LAMA1: variants seen among roughly 807,000 people sequenced by gnomAD.
LAMA1 encodes the protein laminin subunit alpha 1, also known as laminin subunit alpha-1.
A neutral mutation model predicts 348.7 loss-of-function variants in LAMA1; 219 were observed. The observed-to-expected ratio is 0.63, with a 90% CI of 0.56 to 0.70. The LOEUF (loss-of-function observed/expected upper bound fraction) is 0.70, where lower values mean the gene tolerates loss of function less well. Among genes scored for constraint, LAMA1 ranks in the 30% least tolerant of loss-of-function variants. LAMA1 has a pLI of 0.00. For missense variants in LAMA1, 3,744 were observed against 3,888.0 expected (o/e 0.96, Z 0.99); for synonymous variants, 1,487 against 1,491.0 (o/e 1.00, Z 0.06).
intron 22 of LAMA1, among the ~76,000 whole-genome samples, chr18:7,014,669 C>A (rs2057878048): frequency 6.6e-6 from 1 of 151,586 alleles, no homozygotes; most frequent in Non-Finnish European, 1.5e-5. Flanking sequence ...GTAATTTCCT[C>A]TTGTTTCCAA....
chr18:7,086,507 G>T (rs1362747002), intron 1 of LAMA1, among the ~76,000 whole-genome samples: 2 of 152,116 alleles, frequency 1.3e-5, no homozygotes, highest in Admixed American at 6.6e-5. Flanking sequence ...GAATGTCTTT[G>T]GTTGTACCTC....
At chr18:7,075,420 C>T (rs1038110989) in intron 3 of LAMA1, among the ~76,000 whole-genome samples, 4 of 151,894 alleles carry the variant, frequency 2.6e-5, no homozygotes, top group African/African-American at 9.7e-5. Context: ...GTTGGGAGTT[C>T]GAGGCCAGCC....
chr18:6,973,167 A>G lies in LAMA1; in HGVS notation c.6664T>C (p.Ser2222Pro), dbSNP rs755171588. The change falls in exon 47 of 63, where the codon TCA becomes CCA. Residue 2222 changes from serine to proline, a missense_variant. By Grantham distance (74) the Ser-to-Pro change is moderately conservative (BLOSUM62 -1). Transcript: ENST00000389658. ...GTTTTTGTTGGTGACTTTTGATTTG[A>G]GCTCATTTCCTTTACACTCAGTGAA... ...IGSLSVKEMS[S>P]NQKSPTKTSK... The G allele has an allele frequency of 1.9e-6, 3 of 1,614,024 alleles. No homozygotes were observed. The highest frequency in any genetic ancestry group is 2.5e-6 in the Non-Finnish European group (3 of 1,179,996).
In LAMA1 at chr18:6,959,400, A is replaced by T; in HGVS notation, c.7719T>A (p.Ala2573=). 6.2e-7 allele frequency: 1 copy of T among 1,614,144 alleles called. No homozygotes were observed. Among genetic ancestry groups the T allele is most frequent in the Admixed American group, 1.7e-5 (1 of 60,008 alleles). Residue 2573 remains alanine (A), a synonymous_variant, in exon 54 of 63, where the codon GCT becomes GCA. Coordinates refer to ENST00000389658, the MANE Select transcript of LAMA1 (RefSeq NM_005559.4). ...GTGLRKALLH[A]PTGTCSDGQA... ...GTCCATCACTGCAGGTACCCGTGGGAGCGTGCAGGAGAGCTTTTCTCAGGC... is the reference window on the plus strand; with the variant it reads ...GTCCATCACTGCAGGTACCCGTGGGTGCGTGCAGGAGAGCTTTTCTCAGGC...
intron 21 of LAMA1, 52 bp downstream of exon 21, chr18:7,016,439 G>C: frequency 6.2e-7 from 1 of 1,603,008 alleles, no homozygotes; most frequent in Non-Finnish European, 8.5e-7. Context: ...GAGGGCCCAA[G>C]GAAAGCTCTG....
Position 7,035,974 on chromosome 18 carries a change from C to G in LAMA1, c.1839+13G>C, listed in dbSNP as rs143604947. ...CCTAAGCTCTATAGCAGAATCAAAG[C>G]AAAAACAATCACCTTAATGATGACG... On this transcript the variant is annotated intron_variant, in intron 13 of 62. Transcript: ENST00000389658. 1.2e-6 allele frequency: 2 copies of G among 1,607,080 alleles called. No homozygotes were observed. The highest frequency in any genetic ancestry group is 4.5e-5 in the East Asian group (2 of 44,848).
Position 6,942,194 on chromosome 18 carries a change from C to G in LAMA1, c.9113G>C (p.Gly3038Ala), listed in dbSNP as rs2057501497. 6.2e-7 allele frequency: 1 copy of G among 1,614,158 alleles called. No individual in the cohort carries two copies. Reference sequence around the variant, plus strand: ...AATCAGAGCTAGCTTCCTCAAACACCCGCGGAACGAGGTCTGGCTGCGCAG... The same window carrying G: ...AATCAGAGCTAGCTTCCTCAAACACGCGCGGAACGAGGTCTGGCTGCGCAG... ...KCLRSQTSFR[G>A]CLRKLALIKS... Residue 3038 changes from glycine to alanine, a missense_variant, in exon 63 of 63, where the codon GGG (glycine) becomes GCG (alanine). Physicochemically the swap from Gly to Ala is moderately conservative, Grantham distance 60. This residue lies in a region of LAMA1 where 232 missense variants were observed against 264.4 expected (regional missense o/e 0.88). Transcript: ENST00000389658.
chr18:7,055,221 C>T (rs1019362208), intron 3 of LAMA1, among the ~76,000 whole-genome samples: 11 of 151,630 alleles, frequency 7.3e-5, no homozygotes, highest in South Asian at 2.1e-4. Context: ...GAGGCCGAGG[C>T]GGGCAGATCA....
chr18:7,114,679 C>G (rs1342516057), intron 1 of LAMA1, among the ~76,000 whole-genome samples: 1 of 152,138 alleles, frequency 6.6e-6, no homozygotes, highest in African/African-American at 2.4e-5. Flanking sequence ...TTTGCCATAG[C>G]TAGTAAAGCC....
chr18:7,097,927 C>T (rs1290199890), intron 1 of LAMA1, among the ~76,000 whole-genome samples: 2 of 151,018 alleles, frequency 1.3e-5, no homozygotes, highest in Non-Finnish European at 3.0e-5. Context: ...CTGGACTGCA[C>T]TGCTGCCATC....
At chr18:7,038,761 G>A (rs944530686) in intron 11 of LAMA1, 49 bp downstream of exon 11, 10 of 1,609,840 alleles carry the variant, frequency 6.2e-6, no homozygotes, top group African/African-American at 1.3e-5. Flanking sequence ...CCAAGCTTGT[G>A]CAATACGACC....
At chr18:6,976,540 A>G (rs2057683011) in intron 44 of LAMA1, among the ~76,000 whole-genome samples, 1 of 152,116 alleles carries the variant, frequency 6.6e-6, no homozygotes, top group Admixed American at 6.6e-5. Context: ...TACATTAAAG[A>G]GTCTAAGTTT....
chr18:7,052,525 G>A (rs559782882), intron 3 of LAMA1, among the ~76,000 whole-genome samples: 16 of 151,172 alleles, frequency 1.1e-4, no homozygotes, highest in African/African-American at 3.4e-4. Flanking sequence ...TCAGGAGTTC[G>A]AGACCAGCCT....
At chr18:7,073,059 C>T (rs931846322) in intron 3 of LAMA1, among the ~76,000 whole-genome samples, 2 of 152,120 alleles carry the variant, frequency 1.3e-5, no homozygotes, top group African/African-American at 4.8e-5. Flanking sequence ...CACCCTCCTG[C>T]GTTGCTGCCT....
Position 7,022,953 on chromosome 18 carries a change from A to G in LAMA1, c.2701+211T>C, listed in dbSNP as rs183539164. Among the ~76,000 whole-genome samples, 563 of 152,294 alleles carry G rather than the reference A, an allele frequency of 3.7e-3. 2 individuals are homozygous for G. Among genetic ancestry groups the G allele is most frequent in the Middle Eastern group, 0.017 (5 of 294 alleles). ...GCATCTTTCCAGGCCACTGACCCCT[A>G]TGGGTTATGACTAACCAAGCTCAGG... is the stretch of plus-strand genomic sequence containing the variant. On this transcript the variant is annotated intron_variant, in intron 19 of 62. Coordinates refer to ENST00000389658, the MANE Select transcript of LAMA1 (RefSeq NM_005559.4).
intron 5 of LAMA1, 29 bp from the exon 6 acceptor site, chr18:7,046,396 A>G (rs368648242): frequency 1.2e-4 from 166 of 1,335,266 alleles, no homozygotes; most frequent in Non-Finnish European, 2.5e-5. Flanking sequence ...ATGAACAAAA[A>G]TTAAAACCTA....
intron 36 of LAMA1, among the ~76,000 whole-genome samples, chr18:6,989,288 G>T (rs2057748919): frequency 6.6e-6 from 1 of 152,112 alleles, no homozygotes; most frequent in African/African-American, 2.4e-5. Flanking sequence ...GTTCCATCTG[G>T]CTGGACTTCC....
chr18:7,040,379 C>A (rs1413168930), intron 9 of LAMA1, 143 bp from the exon 10 acceptor site: 6 of 791,942 alleles, frequency 7.6e-6, no homozygotes, highest in South Asian at 5.7e-5. Flanking sequence ...CTGCTCAGCT[C>A]AGCCATTATT....
intron 36 of LAMA1, among the ~76,000 whole-genome samples, chr18:6,989,074 C>T (rs1057265747): frequency 1.3e-5 from 2 of 152,108 alleles, no homozygotes; most frequent in Non-Finnish European, 2.9e-5. Context: ...TTCTGGGAGT[C>T]GACTTTTGCT....
Sources: allele counts gnomAD v4.1 joint callset (sites outside exome capture counted in the v4.1 genomes callset), GRCh38; gene constraint gnomAD v4.1.1; regional missense constraint gnomAD v4.1.1; transcripts MANE v1.5; gene names NCBI Gene and HGNC (gene_info 2026-07-23, HGNC 2026-07-21).